The following HIPK2 variants were observed in gnomAD, a reference collection of about 807,000 sequenced individuals.
HIPK2 encodes the protein homeodomain-interacting protein kinase 2.
A neutral mutation model predicts 113.7 loss-of-function variants in HIPK2; 27 were observed. That is an observed-to-expected ratio of 0.24 (90% confidence interval 0.17 to 0.33). The LOEUF (loss-of-function observed/expected upper bound fraction) is 0.33, where lower values mean the gene tolerates loss of function less well. HIPK2 is among the 10% of genes least tolerant of loss of function. The pLI is 1.00. For synonymous variants in HIPK2, 631 were observed against 642.2 expected (o/e 0.98, Z 0.26); for missense variants, 1,257 against 1,588.0 (o/e 0.79, Z 3.54).
chr7:139,597,650 C>T (rs1355282478), intron 11 of HIPK2, among the ~76,000 whole-genome samples: 1 of 152,126 alleles, frequency 6.6e-6, no homozygotes, highest in Non-Finnish European at 1.5e-5. Flanking sequence ...TGGATTTTGC[C>T]TCGTGGAGCC....
In HIPK2 at chr7:139,613,567, A is replaced by G. The variant is rs1193772985; in HGVS notation, c.1991-244T>C. On this transcript the variant is annotated intron_variant, in intron 8 of 14. Coordinates refer to ENST00000406875, the MANE Select transcript of HIPK2 (RefSeq NM_022740.5). This position sits in a 1 kb window ranked among gnomAD's most constrained non-coding sequence, Gnocchi z 4.2. Reference sequence around the variant, plus strand: ...AGAAGGTCAGATTAAGGAGGCTGTAAGGCCAAAAGTAGGACAGATATGCTC... The same window carrying G: ...AGAAGGTCAGATTAAGGAGGCTGTAGGGCCAAAAGTAGGACAGATATGCTC... 2.6e-5 allele frequency among the ~76,000 whole-genome samples: 4 copies of G among 152,216 alleles called. No individual in the cohort carries two copies. The highest frequency in any genetic ancestry group is 2.6e-4 in the Admixed American group (4 of 15,282).
rs775225921 is a variant in HIPK2 at position 139,614,288 on chromosome 7, T to G, written c.1988A>C (p.Gln663Pro). The change falls in exon 8 of 15, where the codon CAA (glutamine) becomes CCA (proline). Residue 663 changes from glutamine to proline, a missense_variant and splice_region_variant. Coordinates refer to ENST00000406875, the MANE Select transcript of HIPK2 (RefSeq NM_022740.5). ...QALIVCPPGF[Q>P]GLQASPSKHA... ...AGGCTGTGGCTGCTCAATCTTACCT[T>G]GGAAGCCGGGGGGACACACGATGAG... 1 of 1,495,410 alleles carries G rather than the reference T, an allele frequency of 6.7e-7. No individual in the cohort carries two copies. The highest frequency in any genetic ancestry group is 2.0e-5 in the Admixed American group (1 of 49,462). The allele number at this position is 1,495,410 out of a possible 1,614,324, so 92.6% of individuals were successfully genotyped here. A position where few individuals can be genotyped will look rare whatever the true frequency, so the allele number is the denominator to read the frequency against.
At chr7:139,590,482 C>T (rs1259350975) in intron 12 of HIPK2, among the ~76,000 whole-genome samples, 1 of 152,188 alleles carries the variant, frequency 6.6e-6, no homozygotes, top group East Asian at 1.9e-4. Flanking sequence ...TAATCTGAGT[C>T]AATTTCATCC....
chr7:139,761,562 T>C (rs976640023), intron 1 of HIPK2, among the ~76,000 whole-genome samples: 1 of 152,168 alleles, frequency 6.6e-6, no homozygotes, highest in Admixed American at 6.5e-5. Context: ...AGCCTAACCA[T>C]AAAGAAGCAA....
chr7:139,644,705 C>T (rs1801147673), intron 2 of HIPK2, among the ~76,000 whole-genome samples: 3 of 152,222 alleles, frequency 2.0e-5, no homozygotes, highest in Admixed American at 2.0e-4. Flanking sequence ...TAACCCAAGT[C>T]CCACTGTCAC....
intron 1 of HIPK2, among the ~76,000 whole-genome samples, chr7:139,758,052 C>T (rs973059847): frequency 6.6e-6 from 1 of 152,094 alleles, no homozygotes; most frequent in Admixed American, 6.5e-5. Context: ...AAGACTCAAC[C>T]TTGTAAAGAT....
chr7:139,678,295 A>G (rs113066704), intron 2 of HIPK2, among the ~76,000 whole-genome samples: 2,765 of 152,306 alleles, frequency 0.018, 105 homozygotes, highest in African/African-American at 0.063. Context: ...AGTCTTTGCC[A>G]TGCCTATGTC....
intron 2 of HIPK2, among the ~76,000 whole-genome samples, chr7:139,687,360 G>A (rs1042082313): frequency 1.3e-5 from 2 of 152,146 alleles, no homozygotes; most frequent in Admixed American, 6.5e-5. Context: ...TTTTTTATAT[G>A]CACTAAGAAC....
At chr7:139,614,218 G>T in intron 8 of HIPK2, 68 bp downstream of exon 8, 1 of 1,266,846 alleles carries the variant, frequency 7.9e-7, no homozygotes, top group Non-Finnish European at 1.0e-6. Flanking sequence ...ACAGAAAACT[G>T]CAGGTGCCGG....
chr7:139,711,359 C>T (rs564729848), intron 2 of HIPK2, among the ~76,000 whole-genome samples: 18 of 151,890 alleles, frequency 1.2e-4, no homozygotes, highest in African/African-American at 3.9e-4. Flanking sequence ...ACCTGGGAGG[C>T]GGAGTTTGCA....
In HIPK2 at chr7:139,716,379, C is replaced by T. The variant is rs779205072; in HGVS notation, c.656G>A (p.Arg219Gln). Residue 219 changes from arginine to glutamine, a missense_variant, in exon 2 of 15, where the codon CGG (arginine) becomes CAG (glutamine). Coordinates refer to ENST00000406875, the MANE Select transcript of HIPK2 (RefSeq NM_022740.5). The surrounding 1 kb of genome is among the most constrained non-coding windows in gnomAD (Gnocchi z 9.3). ...TFGQVVKCWK[R>Q]GTNEIVAIKI... ...GATGGCTACGATCTCATTGGTGCCC[C>T]GTTTCCAGCACTTGACCACTTGCCC... 7.4e-6 allele frequency: 12 copies of T among 1,614,102 alleles called. No homozygotes were observed. The highest frequency in any genetic ancestry group is 9.3e-6 in the Non-Finnish European group (11 of 1,180,002).
intron 1 of HIPK2, among the ~76,000 whole-genome samples, chr7:139,752,921 T>A (rs1027714542): frequency 6.6e-6 from 1 of 152,078 alleles, no homozygotes; most frequent in African/African-American, 2.4e-5. Context: ...GTAAAGAGAA[T>A]CTAGGTGACA....
At chr7:139,672,723 G>A (rs1318190455) in intron 2 of HIPK2, among the ~76,000 whole-genome samples, 1 of 152,178 alleles carries the variant, frequency 6.6e-6, no homozygotes, top group Non-Finnish European at 1.5e-5. Context: ...GCCTCCCAAA[G>A]TGCTGGGATT....
At chr7:139,715,045 A>G (rs1795181385) in intron 2 of HIPK2, among the ~76,000 whole-genome samples, 1 of 152,054 alleles carries the variant, frequency 6.6e-6, no homozygotes. Context: ...CAAAGCCAGC[A>G]CTCCGATCTC....
chr7:139,719,380 A>G (rs1258764544), intron 1 of HIPK2, among the ~76,000 whole-genome samples: 1 of 152,050 alleles, frequency 6.6e-6, no homozygotes, highest in African/African-American at 2.4e-5. Context: ...CTGGTATTAC[A>G]GGTGTGAGCC....
At chr7:139,682,371 G>A (rs1347546284) in intron 2 of HIPK2, among the ~76,000 whole-genome samples, 3 of 152,266 alleles carry the variant, frequency 2.0e-5, no homozygotes, top group Middle Eastern at 3.4e-3. Context: ...CATGAGCAGG[G>A]GTAGCCAGAC....
chr7:139,765,310 T>C (rs1796535709), intron 1 of HIPK2, among the ~76,000 whole-genome samples: 2 of 152,152 alleles, frequency 1.3e-5, no homozygotes, highest in Non-Finnish European at 2.9e-5. Context: ...TGATAGTAAA[T>C]AACCTTAACA....
At chr7:139,710,635 C>T (rs114372814) in intron 2 of HIPK2, among the ~76,000 whole-genome samples, 32 of 152,288 alleles carry the variant, frequency 2.1e-4, no homozygotes, top group African/African-American at 7.2e-4. Context: ...ATATCTACTA[C>T]GGGACACTCA....
At chr7:139,653,460 C>T (rs535772999) in intron 2 of HIPK2, among the ~76,000 whole-genome samples, 5 of 150,934 alleles carry the variant, frequency 3.3e-5, no homozygotes, top group African/African-American at 7.3e-5. Flanking sequence ...CCTCCCACAC[C>T]GCCATCTCGT....
Sources: allele counts gnomAD v4.1 joint callset (sites outside exome capture counted in the v4.1 genomes callset), GRCh38; gene constraint gnomAD v4.1.1; non-coding constraint Gnocchi (gnomAD v3.1); transcripts MANE v1.5; gene names NCBI Gene and HGNC (gene_info 2026-07-23, HGNC 2026-07-21).